Variants in SRPK2 observed in about 807,000 individuals in gnomAD.
SRPK2 encodes the protein SFRS protein kinase 2.
In SRPK2, 21 loss-of-function variants were observed where a neutral mutation model predicts 90.8. The ratio of observed to expected loss-of-function variants is 0.23; its 90% CI spans 0.16 to 0.33. SRPK2 has a LOEUF of 0.33. Ranked by LOEUF, SRPK2 falls within the 10% of genes least tolerant of loss-of-function variation. The probability of loss-of-function intolerance (pLI) is 1.00; values close to 1 mark genes in which losing one functional copy is unlikely to be tolerated. For synonymous variants in SRPK2, 288 were observed against 311.1 expected (o/e 0.93, Z 0.78); for missense variants, 620 against 869.0 (o/e 0.71, Z 3.60).
chr7:105,252,476 G>C (rs1802607120), intron 2 of SRPK2, among the ~76,000 whole-genome samples: 1 of 152,114 alleles, frequency 6.6e-6, no homozygotes, highest in African/African-American at 2.4e-5. Flanking sequence ...AAAAAGTTGA[G>C]TGGTTTTTGA....
At chr7:105,371,951 G>T (rs975097106) in intron 2 of SRPK2, among the ~76,000 whole-genome samples, 1 of 151,868 alleles carries the variant, frequency 6.6e-6, no homozygotes, top group South Asian at 2.1e-4. Context: ...TGGCTATCAC[G>T]GTGAAACCCC....
At chr7:105,268,777 A>G in intron 2 of SRPK2, 1 of 1,584,118 alleles carries the variant, frequency 6.3e-7, no homozygotes, top group Non-Finnish European at 8.6e-7. Context: ...CTACACCATT[A>G]ATTGTTCATG....
chr7:105,316,414 T>C (rs1012210680), intron 2 of SRPK2, among the ~76,000 whole-genome samples: 3 of 152,234 alleles, frequency 2.0e-5, no homozygotes, highest in Non-Finnish European at 4.4e-5. Context: ...AAGCCTGGTA[T>C]CTACTCACTT....
chr7:105,168,649 CAG>C (rs1255118014), intron 4 of SRPK2, among the ~76,000 whole-genome samples: 3 of 151,522 alleles, frequency 2.0e-5, no homozygotes, highest in Non-Finnish European at 2.9e-5. Flanking sequence ...AGATAAACAT[CAG>C]AGTTATCACG....
At chr7:105,291,897 T>C (rs13233843) in intron 2 of SRPK2, among the ~76,000 whole-genome samples, 1,635 of 152,354 alleles carry the variant, frequency 0.011, 23 homozygotes, top group African/African-American at 0.037. Context: ...TTATTCTTTA[T>C]GCTTATAATT....
chr7:105,244,466 C>G (rs1248780270), intron 2 of SRPK2, among the ~76,000 whole-genome samples: 1 of 152,204 alleles, frequency 6.6e-6, no homozygotes, highest in South Asian at 2.1e-4. Flanking sequence ...CCCAGCTACT[C>G]GGGAAGCTGA....
At chr7:105,249,980 T>C (rs117961301) in intron 2 of SRPK2, among the ~76,000 whole-genome samples, 1,572 of 152,322 alleles carry the variant, frequency 0.01, 11 homozygotes, top group Middle Eastern at 0.024. Flanking sequence ...GTTGCCCATG[T>C]GCCTCTCAAA....
intron 2 of SRPK2, among the ~76,000 whole-genome samples, chr7:105,262,061 C>T (rs545868788): frequency 1.1e-4 from 16 of 152,244 alleles, no homozygotes; most frequent in South Asian, 4.1e-4. Context: ...AGGTTTTAAA[C>T]GTGGAATGAC....
At chr7:105,180,136 G>T (rs995104231) in intron 3 of SRPK2, among the ~76,000 whole-genome samples, 2 of 152,106 alleles carry the variant, frequency 1.3e-5, no homozygotes, top group Non-Finnish European at 2.9e-5. Context: ...TAAGCAAAAA[G>T]AACAAAGCAG....
rs202092463 is a variant in SRPK2 at position 105,388,716 on chromosome 7, G to A, written c.17-14C>T. On this transcript the variant is annotated splice_polypyrimidine_tract_variant and intron_variant, in intron 1 of 15. Coordinates refer to ENST00000393651, the MANE Select transcript of SRPK2 (RefSeq NM_182692.3). ...GAATGGCCAGCACTGGGGAAGAGAAGACACACATTAACGGTCGGGCCGCCC... is the reference window on the plus strand; with the variant it reads ...GAATGGCCAGCACTGGGGAAGAGAAAACACACATTAACGGTCGGGCCGCCC... 8.3e-6 allele frequency: 13 copies of A among 1,573,636 alleles called. No individual in the cohort carries two copies. Among genetic ancestry groups the A allele is most frequent in the East Asian group, 2.4e-5 (1 of 41,242 alleles).
chr7:105,131,466 G>T (rs1032962197), intron 13 of SRPK2, among the ~76,000 whole-genome samples: 6 of 152,182 alleles, frequency 3.9e-5, no homozygotes, highest in African/African-American at 9.7e-5. Flanking sequence ...TGATATGGAA[G>T]AACTTTAATA....
chr7:105,374,041 T>A lies in SRPK2; in HGVS notation c.71+14607A>T, dbSNP rs139536646. On this transcript the variant is annotated intron_variant, in intron 2 of 15. Coordinates refer to ENST00000393651, the MANE Select transcript of SRPK2 (RefSeq NM_182692.3). ...CTCTTGTGTTCAATTGATTCTCCTG[T>A]CTCAGCCTCCCAAGTAGCTGGGATT... Among the ~76,000 whole-genome samples, 5 of 152,222 alleles carry A rather than the reference T, an allele frequency of 3.3e-5. No homozygotes were observed. The East Asian group carries it at 9.7e-4, about 29-fold the overall frequency.
intron 2 of SRPK2, among the ~76,000 whole-genome samples, chr7:105,218,841 A>G (rs1797762711): frequency 6.6e-6 from 1 of 152,060 alleles, no homozygotes; most frequent in South Asian, 2.1e-4. Context: ...AATCCTATTC[A>G]TTTTTCTTTT....
intron 2 of SRPK2, among the ~76,000 whole-genome samples, chr7:105,363,193 TAAATAA>T (rs1198304587): frequency 6.6e-6 from 1 of 151,200 alleles, no homozygotes; most frequent in Non-Finnish European, 1.5e-5. Context: ...TAATAAAAAA[TAAATAA>T]AAATAAATAA....
intron 2 of SRPK2, among the ~76,000 whole-genome samples, chr7:105,321,822 G>C (rs188057805): frequency 3.9e-5 from 6 of 152,300 alleles, no homozygotes; most frequent in African/African-American, 1.4e-4. Context: ...AATATGTGGA[G>C]AAATTGAAAT....
At chr7:105,290,529 T>C (rs1205944757) in intron 2 of SRPK2, among the ~76,000 whole-genome samples, 4 of 151,994 alleles carry the variant, frequency 2.6e-5, no homozygotes, top group East Asian at 3.9e-4. Flanking sequence ...AACCACAATA[T>C]TAGCAAAGTG....
intron 2 of SRPK2, among the ~76,000 whole-genome samples, chr7:105,252,887 G>C (rs1459907528): frequency 6.6e-6 from 1 of 151,596 alleles, no homozygotes; most frequent in African/African-American, 2.4e-5. Context: ...GGGACTATAG[G>C]CACGCACCCC....
intron 2 of SRPK2, chr7:105,302,075 G>A (rs1810617921): frequency 6.4e-7 from 1 of 1,553,172 alleles, no homozygotes. Context: ...TGGCTCTAAG[G>A]ATGATGAGTA....
intron 7 of SRPK2, among the ~76,000 whole-genome samples, chr7:105,151,454 A>G (rs80096762): frequency 2.7e-3 from 409 of 152,362 alleles, no homozygotes; most frequent in African/African-American, 9.3e-3. Flanking sequence ...AGCACACAAG[A>G]AACTTAAATG....
Sources: allele counts gnomAD v4.1 joint callset (sites outside exome capture counted in the v4.1 genomes callset), GRCh38; gene constraint gnomAD v4.1.1; transcripts MANE v1.5; gene names NCBI Gene and HGNC (gene_info 2026-07-23, HGNC 2026-07-21).